SHOX: variants seen among roughly 807,000 people sequenced by gnomAD.
SHOX encodes SHOX homeobox.
Under a neutral mutation model 29.6 loss-of-function variants are expected in SHOX, and 12 were observed. The ratio of observed to expected loss-of-function variants is 0.41; its 90% CI spans 0.26 to 0.66. The LOEUF (loss-of-function observed/expected upper bound fraction) is 0.66, where lower values mean the gene tolerates loss of function less well. Among genes scored for constraint, SHOX ranks in the 30% least tolerant of loss-of-function variants. The pLI, the probability that SHOX is intolerant of heterozygous loss-of-function variation, is 0.35. For missense variants in SHOX, 499 were observed against 437.7 expected (o/e 1.14, Z -1.25); for synonymous variants, 214 against 200.6 (o/e 1.07, Z -0.57).
chrX:654,443 T>C (rs1455488161), downstream of SHOX, among the ~76,000 whole-genome samples: 1 of 152,014 alleles, frequency 6.6e-6, no homozygotes, highest in Admixed American at 6.6e-5. Context: ...TATAAAACAA[T>C]TCAATGGAAG....
Position 634,681 on chromosome X carries a change from A to G in SHOX, c.341A>G (p.Lys114Arg). ...TCGGAGGACGAGGACGGGCAGACCA[A>G]GCTGAAACAGAGGCGCAGCCGCACC... The part of the protein sequence containing the change: ...VKSEDEDGQT[K>R]LKQRRSRTNF... Residue 114 changes from lysine to arginine, a missense_variant, in exon 2 of 5, where the codon AAG (lysine) becomes AGG (arginine). Physicochemically the swap from Lys to Arg is conservative, Grantham distance 26. Transcript: ENST00000686671. The G allele has an allele frequency of 6.2e-7, 1 of 1,613,924 alleles. No homozygotes were observed. The highest frequency in any genetic ancestry group is 1.1e-5 in the South Asian group (1 of 91,064).
upstream of SHOX, chrX:630,684 T>G (rs2052630695): frequency 8.0e-6 from 5 of 625,498 alleles, no homozygotes. Flanking sequence ...CGTCTCTGCG[T>G]GCGTCCGCCG....
intron 1 of SHOX, 136 bp from the exon 2 acceptor site, chrX:634,482 G>T (rs2052705852): frequency 2.2e-6 from 2 of 891,404 alleles, no homozygotes; most frequent in South Asian, 1.4e-5. Context: ...TTTGCCTTAT[G>T]GACCCCACGC....
intron 2 of SHOX, among the ~76,000 whole-genome samples, chrX:636,144 C>A (rs2052742834): frequency 6.8e-6 from 1 of 148,022 alleles, no homozygotes. Context: ...TATATATAAA[C>A]ATATATAAAT....
At chrX:641,918 C>T (rs1360163966) in intron 4 of SHOX, among the ~76,000 whole-genome samples, 1 of 152,134 alleles carries the variant, frequency 6.6e-6, no homozygotes, top group Non-Finnish European at 1.5e-5. Context: ...TGCCCGAGGG[C>T]CTGGGGCGTC....
In SHOX at chrX:650,188, T is replaced by A. The variant is rs1377917679; in HGVS notation, c.*5552T>A. Among the ~76,000 whole-genome samples, 2 of 152,248 alleles carry A rather than the reference T, an allele frequency of 1.3e-5. No homozygotes were observed. The highest frequency in any genetic ancestry group is 2.9e-5 in the Non-Finnish European group (2 of 68,044). On this transcript the variant is annotated 3_prime_UTR_variant, in exon 5 of 5. Coordinates refer to ENST00000686671, the MANE Select transcript of SHOX (RefSeq NM_000451.4). The stretch of plus-strand genomic sequence containing the variant: ...AGATGGGACAGATTCTGTGCCTCTG[T>A]ACGATTTAGAGCGTAACTGACCGCG...
In SHOX at chrX:651,123, C is replaced by A; in HGVS notation, c.*6487C>A. ...TGTTATTTATTTTTTTTTCCTTGGTCGGACGTTCATAAATATGTACTATTT... is the reference window on the plus strand; with the variant it reads ...TGTTATTTATTTTTTTTTCCTTGGTAGGACGTTCATAAATATGTACTATTT... On this transcript the variant is annotated 3_prime_UTR_variant, in exon 5 of 5. Coordinates refer to ENST00000686671, the MANE Select transcript of SHOX (RefSeq NM_000451.4). 2.9e-6 allele frequency: 1 copy of A among 344,262 alleles called. No individual in the cohort carries two copies. The highest frequency in any genetic ancestry group is 2.3e-5 in the South Asian group (1 of 42,806). 21.3% of individuals were successfully genotyped at this position (344,262 alleles called of 1,614,324 possible).
Position 646,440 on chromosome X carries a change from T to A in SHOX, c.*1804T>A, listed in dbSNP as rs1033476416. 5 of 152,100 alleles carry A rather than the reference T, an allele frequency of 3.3e-5. No individual in the cohort carries two copies. The highest frequency in any genetic ancestry group is 1.2e-4 in the African/African-American group (5 of 41,414). 9.4% of individuals were successfully genotyped at this position (152,100 alleles called of 1,614,324 possible). A position where few individuals can be genotyped will look rare whatever the true frequency, so the allele number is the denominator to read the frequency against. ...ACTAACATCCACTGGTCAACTCTCTTATTTCCATAACACATTTGCATCTTT... is the reference window on the plus strand; with the variant it reads ...ACTAACATCCACTGGTCAACTCTCTAATTTCCATAACACATTTGCATCTTT... On this transcript the variant is annotated 3_prime_UTR_variant, in exon 5 of 5. Coordinates refer to ENST00000686671, the MANE Select transcript of SHOX (RefSeq NM_000451.4).
rs2052936293 is a variant in SHOX at position 644,859 on chromosome X, G to A, written c.*223G>A. On this transcript the variant is annotated 3_prime_UTR_variant, in exon 5 of 5. Transcript: ENST00000686671. ...ATGGTGCAGAAGGCGGAGCGGGTGA[G>A]CGGCCGTGCGTCCAGCCCGGGCCTC... The A allele has an allele frequency of 5.2e-6, 3 of 580,128 alleles. No homozygotes were observed. Among genetic ancestry groups the A allele is most frequent in the Non-Finnish European group, 5.4e-6 (2 of 371,176 alleles). The allele number at this position is 580,128 out of a possible 1,614,324, so 35.9% of individuals were successfully genotyped here. A position where few individuals can be genotyped will look rare whatever the true frequency, so the allele number is the denominator to read the frequency against.
Position 631,116 on chromosome X carries a change from C to G in SHOX, c.219C>G (p.Asp73Glu). 1 of 1,613,728 alleles carries G rather than the reference C, an allele frequency of 6.2e-7. No homozygotes were observed. The change falls in exon 1 of 5, where the codon GAC (aspartate) becomes GAG (glutamate). Residue 73 changes from aspartate (D) to glutamate (E), a missense_variant. Transcript: ENST00000686671. ...GGHCPVHLFK[D>E]HVDNDKEKLK... The stretch of plus-strand genomic sequence containing the variant: ...ACTGCCCGGTGCATTTGTTCAAGGA[C>G]CACGTAGACAATGACAAGGAGAAAC...
upstream of SHOX, among the ~76,000 whole-genome samples, chrX:627,997 AG>A (rs1348405885): frequency 1.4e-5 from 2 of 141,564 alleles, no homozygotes; most frequent in African/African-American, 5.2e-5. Context: ...CCGGCCTCTG[AG>A]GACCCAGAAA....
chrX:640,951 G>A (rs1382503330), intron 3 of SHOX, 48 bp from the exon 4 acceptor site: 1 of 1,613,210 alleles, frequency 6.2e-7, no homozygotes, highest in African/African-American at 1.3e-5. Context: ...ACGAGGTGCT[G>A]GCTACACCCA....
At chrX:626,992 C>T (rs1374476109), upstream of SHOX, among the ~76,000 whole-genome samples, 6 of 151,902 alleles carry the variant, frequency 3.9e-5, no homozygotes, top group East Asian at 1.9e-4. Context: ...CTCTCTCTCT[C>T]TCCTCTCTCT....
downstream of SHOX, among the ~76,000 whole-genome samples, chrX:655,986 C>T (rs1286686894): frequency 4.0e-5 from 6 of 148,564 alleles, no homozygotes; most frequent in Middle Eastern, 3.6e-3. Context: ...AAGACCAGCC[C>T]GTGCCACATG....
rs1442911377 is a variant in SHOX at position 642,449 on chromosome X, A to T, written c.633+1362A>T. Among the ~76,000 whole-genome samples, 3 of 152,148 alleles carry T rather than the reference A, an allele frequency of 2.0e-5. No homozygotes were observed. In the East Asian group the frequency reaches 5.8e-4, roughly 29 times the overall value. On this transcript the variant is annotated intron_variant, in intron 4 of 4. Transcript: ENST00000686671. Reference sequence around the variant, plus strand: ...GCGGTGGGGAGCGCGGAAGGTATAAACGTATAAATCATAAGTAAACAACTC... The same window carrying T: ...GCGGTGGGGAGCGCGGAAGGTATAATCGTATAAATCATAAGTAAACAACTC...
At chrX:633,994 G>C (rs1422694530) in intron 1 of SHOX, among the ~76,000 whole-genome samples, 2 of 152,200 alleles carry the variant, frequency 1.3e-5, no homozygotes, top group Non-Finnish European at 2.9e-5. Flanking sequence ...GTAGGTGCCC[G>C]ACCGCGTGTG....
At position 640,444 on chromosome X, in the gene SHOX, T is replaced by C. The variant is rs185665808; in HGVS notation, c.487-377T>C. On this transcript the variant is annotated intron_variant, in intron 2 of 4. Coordinates refer to ENST00000686671, the MANE Select transcript of SHOX (RefSeq NM_000451.4). ...ATACAAAATTAGCCGGGCATGGTGG[T>C]GGGCACCTGTAGTCCCAGCTACTCG... Among the ~76,000 whole-genome samples the C allele has an allele frequency of 4.8e-3, 726 of 151,932 alleles. 5 individuals are homozygous for C. Among genetic ancestry groups the C allele is most frequent in the African/African-American group, 0.016 (672 of 41,440 alleles).
chrX:638,531 C>A (rs1345143024), intron 2 of SHOX, among the ~76,000 whole-genome samples: 1 of 152,002 alleles, frequency 6.6e-6, no homozygotes, highest in Non-Finnish European at 1.5e-5. Flanking sequence ...GCCTTTTTGG[C>A]GGGGGTGTGA....
chrX:625,288 C>G (rs755491423), intron 1 of SHOX, among the ~76,000 whole-genome samples: 1 of 149,422 alleles, frequency 6.7e-6, no homozygotes, highest in African/African-American at 2.5e-5. Context: ...TCTCTTTCCC[C>G]TTTGCGTTTT....
Sources: allele counts gnomAD v4.1 joint callset (sites outside exome capture counted in the v4.1 genomes callset), GRCh38; gene constraint gnomAD v4.1.1; transcripts MANE v1.5; gene names NCBI Gene and HGNC (gene_info 2026-07-23, HGNC 2026-07-21).